Variants in KIAA2012 observed in about 807,000 individuals in gnomAD.
KIAA2012 encodes the protein uncharacterized protein KIAA2012.
Under a neutral mutation model 150.6 loss-of-function variants are expected in KIAA2012, and 125 were observed. That is an observed-to-expected ratio of 0.83 (90% CI 0.72 to 0.96). The LOEUF (loss-of-function observed/expected upper bound fraction) is 0.96, where lower values mean the gene tolerates loss of function less well. KIAA2012 is among the 40% of genes least tolerant of loss of function. KIAA2012 has a pLI of 0.00. For synonymous variants in KIAA2012, 462 were observed against 504.7 expected (o/e 0.92, Z 1.13); for missense variants, 1,219 against 1,354.9 (o/e 0.90, Z 1.57).
chr2:202,105,193 G>A (rs1690151358), intron 8 of KIAA2012, among the ~76,000 whole-genome samples: 1 of 150,750 alleles, frequency 6.6e-6, no homozygotes, highest in South Asian at 2.1e-4. Context: ...AGGAAGGAAG[G>A]GAAGAAATGA....
chr2:202,106,144 A>G (rs1690185122), intron 9 of KIAA2012: 1 of 1,184,500 alleles, frequency 8.4e-7, no homozygotes, highest in South Asian at 1.6e-5. Flanking sequence ...CCCACTGCTA[A>G]TATTTTAACA....
chr2:202,183,537 G>A (rs1692165018), intron 15 of KIAA2012, among the ~76,000 whole-genome samples: 1 of 135,054 alleles, frequency 7.4e-6, no homozygotes, highest in Non-Finnish European at 1.5e-5. Context: ...CCACTGGTGT[G>A]CAGTGGTGCT....
At chr2:202,195,752 C>T (rs899378877) in intron 21 of KIAA2012, among the ~76,000 whole-genome samples, 6 of 152,088 alleles carry the variant, frequency 3.9e-5, no homozygotes, top group African/African-American at 1.2e-4. Flanking sequence ...CAATGTTTTT[C>T]GCTTTCACAT....
intron 2 of KIAA2012, among the ~76,000 whole-genome samples, chr2:202,080,599 G>A (rs1002795658): frequency 5.3e-5 from 8 of 150,706 alleles, no homozygotes; most frequent in African/African-American, 2.0e-4. Context: ...GGGAGGCTAA[G>A]GCAGGAGAAT....
intron 14 of KIAA2012, among the ~76,000 whole-genome samples, chr2:202,157,890 G>C (rs1691560960): frequency 6.6e-6 from 1 of 152,144 alleles, no homozygotes. Flanking sequence ...TCTGCACCAG[G>C]AAGATTTTCT....
rs550284652 is a variant in KIAA2012 at position 202,096,059 on chromosome 2, G to A, written c.686-1376G>A. Among the ~76,000 whole-genome samples the A allele has an allele frequency of 2.2e-4, 34 of 152,148 alleles. No individual in the cohort carries two copies. In the South Asian group the frequency reaches 4.6e-3, roughly 20 times the overall value. On this transcript the variant is annotated intron_variant, in intron 4 of 23. Transcript: ENST00000498697. Reference sequence around the variant, plus strand: ...AGATCATGCCACTGCACTCCAGCCTGGGCAACAGAGTGAGACTACGTCCCC... The same window carrying A: ...AGATCATGCCACTGCACTCCAGCCTAGGCAACAGAGTGAGACTACGTCCCC...
rs142775567 is a variant in KIAA2012, at chr2:202,140,624, A to T, written c.1908+2116A>T. Among the ~76,000 whole-genome samples the T allele has an allele frequency of 3.3e-5, 5 of 152,278 alleles. No individual in the cohort carries two copies. The East Asian group carries it at 9.6e-4, about 29-fold the overall frequency. ...CTCGAGGCTAATGGCCTCTTATTAGATTAATCACTGACTTCAGTTTTAACT... is the reference window on the plus strand; with the variant it reads ...CTCGAGGCTAATGGCCTCTTATTAGTTTAATCACTGACTTCAGTTTTAACT... On this transcript the variant is annotated intron_variant, in intron 13 of 23. Transcript: ENST00000498697.
chr2:202,201,653 C>T, intron 22 of KIAA2012: 1 of 1,610,798 alleles, frequency 6.2e-7, no homozygotes, highest in South Asian at 1.1e-5. Context: ...ACCCAACAGC[C>T]ACAGACTGGG....
intron 2 of KIAA2012, chr2:202,076,967 G>A (rs572213667): frequency 2.2e-6 from 1 of 456,788 alleles, no homozygotes; most frequent in South Asian, 1.5e-5. Context: ...GAAAGAGATT[G>A]GAGAGGGAGA....
intron 2 of KIAA2012, among the ~76,000 whole-genome samples, chr2:202,086,238 C>T (rs2105912336): frequency 6.6e-6 from 1 of 151,290 alleles, no homozygotes; most frequent in South Asian, 2.1e-4. Flanking sequence ...TGCAAGGGTT[C>T]CTGTCCAGAC....
rs763612012 is a variant in KIAA2012 at position 202,073,653 on chromosome 2, G to A, written c.26G>A (p.Arg9Gln). MFTLSLLS[R>Q]GHGKLGQDKQ... ...ATGTTCACGCTCTCCCTCCTGAGCC[G>A]GGGCCACGGGAAGCTGGGCCAGGAC... The change falls in exon 1 of 24, where the codon CGG becomes CAG. Residue 9 changes from arginine (R) to glutamine (Q), a missense_variant. By Grantham distance (43) the Arg-to-Gln change is conservative (BLOSUM62 1). Transcript: ENST00000498697. 3.5e-5 allele frequency: 55 copies of A among 1,550,174 alleles called. No homozygotes were observed. Among genetic ancestry groups the A allele is most frequent in the Middle Eastern group, 1.7e-4 (1 of 6,008 alleles).
intron 2 of KIAA2012, among the ~76,000 whole-genome samples, chr2:202,080,149 TC>T (rs1256360455): frequency 1.3e-5 from 2 of 152,032 alleles, no homozygotes; most frequent in Non-Finnish European, 2.9e-5. Flanking sequence ...AACTCCACAT[TC>T]CCCAGAGAAA....
rs772402736 is a variant in KIAA2012, at chr2:202,196,955, A to G, written c.3343A>G (p.Lys1115Glu). ...GCTGGAGGCAGAGGAGAGGAGGCAA[A>G]AAGAAGAGGAAGCAGCAAGACTGGC... ...ARLEAEERRQ[K>E]EEEAARLALE... Residue 1115 changes from lysine to glutamate, a missense_variant, in exon 22 of 24, where the codon AAA becomes GAA. Transcript: ENST00000498697. 6.4e-6 allele frequency: 10 copies of G among 1,550,648 alleles called. No individual in the cohort carries two copies. The highest frequency in any genetic ancestry group is 8.7e-6 in the Non-Finnish European group (10 of 1,146,966).
chr2:202,142,422 A>G (rs1691212771), intron 13 of KIAA2012, among the ~76,000 whole-genome samples: 1 of 152,264 alleles, frequency 6.6e-6, no homozygotes, highest in Non-Finnish European at 1.5e-5. Flanking sequence ...GAAGATGTCC[A>G]TTGCAGCATT....
Position 202,105,833 on chromosome 2 carries a change from A to G in KIAA2012, c.1397A>G (p.His466Arg). Reference sequence around the variant, plus strand: ...CCTGTGTGGAGACCTCCCCTGAAGCATGCGTCCTTAGAAACACCATGGGAG... The same window carrying G: ...CCTGTGTGGAGACCTCCCCTGAAGCGTGCGTCCTTAGAAACACCATGGGAG... Reference protein sequence around the residue: ...STPVWRPPLKHASLETPWELT... With the variant: ...STPVWRPPLKRASLETPWELT... Residue 466 changes from histidine to arginine, a missense_variant, in exon 9 of 24, where the codon CAT becomes CGT. Coordinates refer to ENST00000498697, the MANE Select transcript of KIAA2012 (RefSeq NM_001277372.4). 1 of 1,550,778 alleles carries G rather than the reference A, an allele frequency of 6.4e-7. No homozygotes were observed. Among genetic ancestry groups the G allele is most frequent in the Non-Finnish European group, 8.7e-7 (1 of 1,147,038 alleles).
Position 202,143,366 on chromosome 2 carries a change from G to A in KIAA2012, c.1908+4858G>A, listed in dbSNP as rs540647154. Among the ~76,000 whole-genome samples, 6 of 151,782 alleles carry A rather than the reference G, an allele frequency of 4.0e-5. No individual in the cohort carries two copies. In the South Asian group the frequency reaches 6.2e-4, roughly 16 times the overall value. ...CTCCCAAAGTGCTAGGATGACAGGC[G>A]TGAGCCACCGTGCCCAGCCTGATTT... On this transcript the variant is annotated intron_variant, in intron 13 of 23. Coordinates refer to ENST00000498697, the MANE Select transcript of KIAA2012 (RefSeq NM_001277372.4).
At chr2:202,080,814 G>T (rs1358462925) in intron 2 of KIAA2012, among the ~76,000 whole-genome samples, 1 of 152,026 alleles carries the variant, frequency 6.6e-6, no homozygotes, top group African/African-American at 2.4e-5. Context: ...GGTTAATAAG[G>T]TAGGTGCCTT....
intron 8 of KIAA2012, 46 bp downstream of exon 8, chr2:202,103,160 G>A: frequency 6.5e-7 from 1 of 1,533,500 alleles, no homozygotes; most frequent in Non-Finnish European, 8.8e-7. Context: ...GCCTGGGATG[G>A]GGGGTCCTGC....
At chr2:202,139,351 C>G (rs1357157876) in intron 13 of KIAA2012, among the ~76,000 whole-genome samples, 1 of 152,040 alleles carries the variant, frequency 6.6e-6, no homozygotes, top group Non-Finnish European at 1.5e-5. Context: ...CAAATTCTCT[C>G]TAGAGAGACA....
Sources: allele counts gnomAD v4.1 joint callset (sites outside exome capture counted in the v4.1 genomes callset), GRCh38; gene constraint gnomAD v4.1.1; transcripts MANE v1.5; gene names NCBI Gene and HGNC (gene_info 2026-07-23, HGNC 2026-07-21).